The following STPG2 variants were observed in gnomAD, a reference collection of about 807,000 sequenced individuals.
STPG2 encodes sperm tail PG-rich repeat containing 2, also known as sperm-tail PG-rich repeat-containing protein 2.
In STPG2, 56 loss-of-function variants were observed where a neutral mutation model predicts 54.2. The observed-to-expected ratio is 1.03, with a 90% confidence interval of 0.83 to 1.29. STPG2 has a LOEUF of 1.29. STPG2 is among the 50% of genes most tolerant of loss of function. STPG2 has a pLI of 0.00. For missense variants in STPG2, 596 were observed against 544.9 expected (o/e 1.09, Z -0.93); for synonymous variants, 200 against 181.8 (o/e 1.10, Z -0.81).
At chr4:97,989,636 C>G (rs1427708344) in intron 5 of STPG2, among the ~76,000 whole-genome samples, 1 of 152,160 alleles carries the variant, frequency 6.6e-6, no homozygotes, top group Non-Finnish European at 1.5e-5. Flanking sequence ...ATAACTTTCA[C>G]CTTTCCAAAG....
At chr4:97,653,097 A>T (rs1378462814) in intron 10 of STPG2, among the ~76,000 whole-genome samples, 1 of 144,776 alleles carries the variant, frequency 6.9e-6, no homozygotes, top group African/African-American at 2.6e-5. Context: ...GATAGATGAT[A>T]GATAGATAGA....
At chr4:97,502,689 GA>G (rs199951592) in intron 4 of STPG2, among the ~76,000 whole-genome samples, 29 of 146,308 alleles carry the variant, frequency 2.0e-4, no homozygotes, top group East Asian at 6.0e-4. Flanking sequence ...AATCCATCTA[GA>G]AAAAAAAAAT....
At chr4:98,066,505 C>G (rs1737842074) in intron 5 of STPG2, among the ~76,000 whole-genome samples, 1 of 152,170 alleles carries the variant, frequency 6.6e-6, no homozygotes, top group African/African-American at 2.4e-5. Flanking sequence ...AGGAGAATCG[C>G]TTGAACCTGG....
chr4:97,529,515 G>A, intron 4 of STPG2, among the ~76,000 whole-genome samples: 1 of 151,942 alleles, frequency 6.6e-6, no homozygotes, highest in East Asian at 1.9e-4. Flanking sequence ...TTAGGGAGGA[G>A]TCCCTCTTTT....
chr4:98,011,894 C>T (rs1277878447), intron 5 of STPG2, among the ~76,000 whole-genome samples: 1 of 152,130 alleles, frequency 6.6e-6, no homozygotes, highest in Non-Finnish European at 1.5e-5. Flanking sequence ...ACATTTTTCT[C>T]CTATTCTGTA....
chr4:98,030,141 A>G (rs700742), intron 5 of STPG2, among the ~76,000 whole-genome samples: 130,659 of 152,120 alleles, frequency 0.86, 56,262 homozygotes, highest in Middle Eastern at 0.97. Flanking sequence ...AAATCTAATC[A>G]GCATAATGCC....
intron 9 of STPG2, among the ~76,000 whole-genome samples, chr4:97,772,373 G>T (rs1408034005): frequency 6.6e-6 from 1 of 152,026 alleles, no homozygotes; most frequent in Non-Finnish European, 1.5e-5. Context: ...ATTTGTAATG[G>T]TTTATACAAA....
intron 7 of STPG2, among the ~76,000 whole-genome samples, chr4:97,953,888 TCA>T (rs1733567560): frequency 6.6e-6 from 1 of 152,212 alleles, no homozygotes; most frequent in African/African-American, 2.4e-5. Flanking sequence ...GAAAAAAAGT[TCA>T]CAGTGAGAAT....
At chr4:98,017,504 C>T (rs570562935) in intron 5 of STPG2, among the ~76,000 whole-genome samples, 1 of 152,188 alleles carries the variant, frequency 6.6e-6, no homozygotes, top group Non-Finnish European at 1.5e-5. Flanking sequence ...TCTGCACTAT[C>T]CTGCTCAGGT....
chr4:97,742,387 A>C (rs1725274946), intron 9 of STPG2, among the ~76,000 whole-genome samples: 1 of 150,896 alleles, frequency 6.6e-6, no homozygotes, highest in South Asian at 2.1e-4. Context: ...AAATAAAATA[A>C]TAATAATAAA....
intron 8 of STPG2, among the ~76,000 whole-genome samples, chr4:97,907,660 C>G (rs1158456697): frequency 6.6e-6 from 1 of 152,074 alleles, no homozygotes; most frequent in African/African-American, 2.4e-5. Context: ...GTACTGGTAC[C>G]AAAACAGAGA....
At chr4:97,698,347 TGGA>T (rs1293194266) in intron 10 of STPG2, among the ~76,000 whole-genome samples, 17 of 152,214 alleles carry the variant, frequency 1.1e-4, no homozygotes, top group African/African-American at 4.1e-4. Flanking sequence ...ACCACCGTTG[TGGA>T]GTAGTAGACT....
chr4:97,785,541 CTAGAA>C (rs1467506161), intron 9 of STPG2, among the ~76,000 whole-genome samples: 1 of 151,808 alleles, frequency 6.6e-6, no homozygotes, highest in Non-Finnish European at 1.5e-5. Context: ...AAGGTGATGA[CTAGAA>C]TAGGAGATTG....
chr4:98,047,312 C>G (rs745372477), intron 5 of STPG2, among the ~76,000 whole-genome samples: 3 of 152,042 alleles, frequency 2.0e-5, no homozygotes, highest in South Asian at 2.1e-4. Context: ...TGAAGCAGGA[C>G]AGGGATAAAA....
chr4:98,109,394 T>A, intron 3 of STPG2, 89 bp from the exon 4 acceptor site: 1 of 958,902 alleles, frequency 1.0e-6, no homozygotes, highest in Non-Finnish European at 1.6e-6. Flanking sequence ...AGTCTAAATC[T>A]AAAGCAAGGA....
intron 10 of STPG2, among the ~76,000 whole-genome samples, chr4:97,564,757 T>A (rs549544764): frequency 2.4e-4 from 36 of 152,224 alleles, no homozygotes; most frequent in Non-Finnish European, 4.6e-4. Context: ...TGTTGAATAG[T>A]GGCCCTCACT....
chr4:97,569,932 T>C (rs907914681), intron 10 of STPG2, among the ~76,000 whole-genome samples: 3 of 152,152 alleles, frequency 2.0e-5, no homozygotes, highest in Non-Finnish European at 4.4e-5. Flanking sequence ...ATAGTAATTA[T>C]GTGCCTCCAT....
intron 9 of STPG2, among the ~76,000 whole-genome samples, chr4:97,805,180 G>C (rs1162448547): frequency 6.6e-6 from 1 of 152,030 alleles, no homozygotes; most frequent in Non-Finnish European, 1.5e-5. Flanking sequence ...TTCATAACCT[G>C]TACACTAACA....
At chr4:98,126,235 C>T (rs1413600265) in intron 3 of STPG2, among the ~76,000 whole-genome samples, 1 of 152,184 alleles carries the variant, frequency 6.6e-6, no homozygotes, top group East Asian at 1.9e-4. Flanking sequence ...GATCTCCTGC[C>T]TCACCAGAAT....
Sources: gnomAD v4.1 joint callset for allele counts (sites outside exome capture counted in the v4.1 genomes callset) on GRCh38, gnomAD v4.1.1 for gene constraint, MANE v1.5 for transcripts, NCBI Gene and HGNC (gene_info 2026-07-23, HGNC 2026-07-21) for gene names.